CNNM1: variants seen among roughly 807,000 people sequenced by gnomAD.
The protein encoded by CNNM1 is cyclin and CBS domain divalent metal cation transport mediator 1.
A neutral mutation model predicts 78.8 loss-of-function variants in CNNM1; 44 were observed. That is an observed-to-expected ratio of 0.56 (90% CI 0.44 to 0.72). The LOEUF (loss-of-function observed/expected upper bound fraction) is 0.72, where lower values mean the gene tolerates loss of function less well. CNNM1 is among the 30% of genes least tolerant of loss of function. The pLI is 0.00. For synonymous variants in CNNM1, 584 were observed against 581.5 expected (o/e 1.00, Z -0.06); for missense variants, 1,101 against 1,292.2 (o/e 0.85, Z 2.27).
intron 2 of CNNM1, among the ~76,000 whole-genome samples, chr10:99,358,824 C>T (rs2031321494): frequency 6.6e-6 from 1 of 151,804 alleles, no homozygotes; most frequent in African/African-American, 2.4e-5. Context: ...CATGGTGAAA[C>T]CCCATCTCTA....
intron 9 of CNNM1, among the ~76,000 whole-genome samples, chr10:99,389,787 G>T (rs2032417600): frequency 6.6e-6 from 1 of 152,186 alleles, no homozygotes. Context: ...CTCTGCCTTA[G>T]GTTTTTATTT....
At chr10:99,373,192 T>A (rs2031859379) in intron 6 of CNNM1, among the ~76,000 whole-genome samples, 1 of 152,180 alleles carries the variant, frequency 6.6e-6, no homozygotes, top group African/African-American at 2.4e-5. Flanking sequence ...CCTGAACATA[T>A]CTTGAATTGT....
chr10:99,362,758 C>T (rs191566157), intron 4 of CNNM1, among the ~76,000 whole-genome samples: 2 of 152,260 alleles, frequency 1.3e-5, no homozygotes, highest in East Asian at 3.9e-4. Context: ...CCCACTGCCT[C>T]CTAAACTTTA....
At position 99,388,194 on chromosome 10, in the gene CNNM1, A is replaced by G. The variant is rs1163716949; in HGVS notation, c.2567A>G (p.Tyr856Cys). ...DGLRSPSEVV[Y>C]LRMEELAFTQ... ...CTGAGAAGCCCCAGCGAGGTAGTGTACCTGAGGATGGAGGAGCTGGCCTTC... is the reference window on the plus strand; with the variant it reads ...CTGAGAAGCCCCAGCGAGGTAGTGTGCCTGAGGATGGAGGAGCTGGCCTTC... The change falls in exon 9 of 11, where the codon TAC (tyrosine) becomes TGC (cysteine). Residue 856 changes from tyrosine to cysteine, a missense_variant. Around this residue, in one of 3 missense-constraint regions of CNNM1, gnomAD observed 348 missense variants for 384.5 expected, o/e 0.90. Transcript: ENST00000356713. 4 of 1,613,848 alleles carry G rather than the reference A, an allele frequency of 2.5e-6. No homozygotes were observed. Among genetic ancestry groups the G allele is most frequent in the African/African-American group, 2.7e-5 (2 of 74,934 alleles).
intron 6 of CNNM1, among the ~76,000 whole-genome samples, chr10:99,368,075 T>C (rs1295368704): frequency 1.3e-5 from 2 of 152,236 alleles, no homozygotes; most frequent in Non-Finnish European, 2.9e-5. Flanking sequence ...ATCCCTATCC[T>C]CTAGCAATGC....
rs767164861 is a variant in CNNM1 at position 99,364,967 on chromosome 10, G to T, written c.2141G>T (p.Arg714Leu). The change falls in exon 6 of 11, where the codon CGG becomes CTG. Residue 714 changes from arginine to leucine, a missense_variant. Arg to Leu is a moderately radical substitution (Grantham distance 102). Around this residue, in one of 3 missense-constraint regions of CNNM1, gnomAD observed 348 missense variants for 384.5 expected, o/e 0.90. Transcript: ENST00000356713. ...MTTACSDNDV[R>L]KVGSLAGSSV... ...CTTCTGTCCTTAGATAATGACGTGC[G>T]GAAGGTTGGAAGTCTGGCTGGATCT... 5 of 1,613,834 alleles carry T rather than the reference G, an allele frequency of 3.1e-6. No individual in the cohort carries two copies. Among genetic ancestry groups the T allele is most frequent in the Non-Finnish European group, 4.2e-6 (5 of 1,179,854 alleles).
At chr10:99,356,590 AAG>A (rs2031207391) in intron 1 of CNNM1, among the ~76,000 whole-genome samples, 3 of 124,774 alleles carry the variant, frequency 2.4e-5, no homozygotes, top group South Asian at 5.1e-4. Flanking sequence ...GAAAGAAAGA[AAG>A]AAAGAAAGAA....
intron 6 of CNNM1, among the ~76,000 whole-genome samples, chr10:99,372,660 C>T (rs531140932): frequency 1.3e-4 from 20 of 152,168 alleles, no homozygotes; most frequent in Non-Finnish European, 2.5e-4. Context: ...CTGATTTCTT[C>T]TGCTTTTTAT....
rs1441622203 is a variant in CNNM1 at position 99,393,441 on chromosome 10, T to A, written c.*1925T>A. 3 of 152,552 alleles carry A rather than the reference T, an allele frequency of 2.0e-5. No homozygotes were observed. Among genetic ancestry groups the A allele is most frequent in the African/African-American group, 7.2e-5 (3 of 41,446 alleles). The allele number at this position is 152,552 out of a possible 1,614,324, so 9.4% of individuals were successfully genotyped here. On this transcript the variant is annotated 3_prime_UTR_variant, in exon 11 of 11. Coordinates refer to ENST00000356713, the MANE Select transcript of CNNM1 (RefSeq NM_020348.3). ...TCAGTATTTAATGTATTTATTCTTG[T>A]ATGTTTTTTCCAGAGCATTAAAGCT... is the stretch of plus-strand genomic sequence containing the variant.
chr10:99,388,413 T>G, intron 9 of CNNM1, 112 bp downstream of exon 9: 39 of 1,254,386 alleles, frequency 3.1e-5, no homozygotes, highest in Non-Finnish European at 4.3e-5. Context: ...GCCCGTGCGT[T>G]AAACCTCCGA....
chr10:99,356,598 A>AAGAAAGAAAGAAAGAAAGAG (rs2031211171), intron 1 of CNNM1, among the ~76,000 whole-genome samples: 2 of 129,828 alleles, frequency 1.5e-5, no homozygotes, highest in African/African-American at 7.0e-5. Flanking sequence ...GAAAGAAAGA[A>AAGAAAGAAAGAAAGAAAGAG]AGAAAGAAAA....
rs1220675845 is a variant in CNNM1, at chr10:99,330,151, G to A, written c.764G>A (p.Arg255Gln). ...CTGTCGCTGGACCCGGTGGAGTTAC[G>A]GGTGCTGCGGAACAGCGGCTCGGCC... ...SLLSLDPVEL[R>Q]VLRNSGSAAE... is the part of the protein sequence containing the mutation. Residue 255 changes from arginine to glutamine, a missense_variant, in exon 1 of 11, where the codon CGG (arginine) becomes CAG (glutamine). By Grantham distance (43) the Arg-to-Gln change is conservative (BLOSUM62 1). Coordinates refer to ENST00000356713, the MANE Select transcript of CNNM1 (RefSeq NM_020348.3). The A allele has an allele frequency of 1.9e-6, 3 of 1,541,432 alleles. No homozygotes were observed. The East Asian group carries it at 7.3e-5, about 37-fold the overall frequency.
chr10:99,362,563 A>G (rs1314154224), intron 4 of CNNM1, among the ~76,000 whole-genome samples, 167 bp downstream of exon 4: 1 of 152,198 alleles, frequency 6.6e-6, no homozygotes, highest in African/African-American at 2.4e-5. Context: ...GGGCCTAGAC[A>G]TGGAAGACTG....
Position 99,330,070 on chromosome 10 carries a change from G to A in CNNM1, c.683G>A (p.Gly228Glu). 6.6e-7 allele frequency: 1 copy of A among 1,519,566 alleles called. No individual in the cohort carries two copies. The highest frequency in any genetic ancestry group is 8.7e-7 in the Non-Finnish European group (1 of 1,143,334). 94.1% of individuals were successfully genotyped at this position (1,519,566 alleles called of 1,614,324 possible). A position where few individuals can be genotyped will look rare whatever the true frequency, so the allele number is the denominator to read the frequency against. Reference protein sequence around the residue: ...LLPPAWLRALGALLLLALSAL... With the variant: ...LLPPAWLRALEALLLLALSAL... Reference sequence around the variant, plus strand: ...CCCCCTGCGTGGCTGCGGGCGCTCGGGGCGCTCCTGCTGCTAGCCTTGTCG... The same window carrying A: ...CCCCCTGCGTGGCTGCGGGCGCTCGAGGCGCTCCTGCTGCTAGCCTTGTCG... Residue 228 changes from glycine to glutamate, a missense_variant, in exon 1 of 11, where the codon GGG becomes GAG. Physicochemically the swap from Gly to Glu is moderately conservative, Grantham distance 98. Coordinates refer to ENST00000356713, the MANE Select transcript of CNNM1 (RefSeq NM_020348.3).
At chr10:99,345,523 A>G (rs1274621168) in intron 1 of CNNM1, among the ~76,000 whole-genome samples, 1 of 152,146 alleles carries the variant, frequency 6.6e-6, no homozygotes, top group East Asian at 1.9e-4. Flanking sequence ...CTTTCAATGT[A>G]TCCTCCTCAT....
At position 99,356,586 on chromosome 10, in the gene CNNM1, AAG is replaced by A. The variant is rs1377690000; in HGVS notation, c.1574-924_1574-923del. Among the ~76,000 whole-genome samples the A allele has an allele frequency of 2.0e-3, 251 of 125,896 alleles. 1 individual carries two copies. Among genetic ancestry groups the A allele is most frequent in the African/African-American group, 7.5e-3 (229 of 30,592 alleles). The allele number at this position is 125,896 out of a possible 152,430, so 82.6% of individuals were successfully genotyped here. A position where few individuals can be genotyped will look rare whatever the true frequency, so the allele number is the denominator to read the frequency against. ...ACAGAAAGAAAGAAAGAAAGAAAGA[AAG>A]AAAGAAAGAAAGAAAGAAAAGAAAG... On this transcript the variant is annotated intron_variant, in intron 1 of 10. Transcript: ENST00000356713.
At chr10:99,371,981 T>C (rs772460670) in intron 6 of CNNM1, among the ~76,000 whole-genome samples, 12 of 152,150 alleles carry the variant, frequency 7.9e-5, no homozygotes, top group Non-Finnish European at 1.6e-4. Flanking sequence ...TGAACCCTCC[T>C]TTTTCCTCAA....
intron 6 of CNNM1, chr10:99,368,342 G>A (rs982157085): frequency 3.2e-5 from 10 of 308,530 alleles, no homozygotes; most frequent in South Asian, 8.6e-5. Flanking sequence ...CACAGGGCTC[G>A]GCTTGTGCTT....
chr10:99,364,409 T>C lies in CNNM1; in HGVS notation c.2029-8T>C, dbSNP rs1422202834. On this transcript the variant is annotated splice_region_variant and splice_polypyrimidine_tract_variant and intron_variant, in intron 4 of 10. Transcript: ENST00000356713. Reference sequence around the variant, plus strand: ...ATTCATAGTACACTTCCTTTTTTTTTTTTCCAGGGTAAAGTGGAGGTGGAG... The same window carrying C: ...ATTCATAGTACACTTCCTTTTTTTTCTTTCCAGGGTAAAGTGGAGGTGGAG... 1 of 1,603,888 alleles carries C rather than the reference T, an allele frequency of 6.2e-7. No homozygotes were observed. The highest frequency in any genetic ancestry group is 1.7e-5 in the Admixed American group (1 of 58,260).
Sources: allele counts gnomAD v4.1 joint callset (sites outside exome capture counted in the v4.1 genomes callset), GRCh38; gene constraint gnomAD v4.1.1; regional missense constraint gnomAD v4.1.1; transcripts MANE v1.5; gene names NCBI Gene and HGNC (gene_info 2026-07-23, HGNC 2026-07-21).